ZNF714: variants seen among roughly 807,000 people sequenced by gnomAD.
ZNF714 encodes zinc finger protein 714.
In ZNF714, 32 loss-of-function variants were observed where a neutral mutation model predicts 46.2. The ratio of observed to expected loss-of-function variants is 0.69; its 90% CI spans 0.52 to 0.93. The LOEUF (loss-of-function observed/expected upper bound fraction) is 0.93, where lower values mean the gene tolerates loss of function less well. ZNF714 is among the 40% of genes least tolerant of loss of function. The probability of loss-of-function intolerance (pLI) is 0.00; values close to 1 mark genes in which losing one functional copy is unlikely to be tolerated. For synonymous variants in ZNF714, 199 were observed against 213.1 expected (o/e 0.93, Z 0.58); for missense variants, 635 against 646.3 (o/e 0.98, Z 0.19).
In ZNF714 at chr19:21,084,028, G is replaced by A. The variant is rs1235660822; in HGVS notation, c.-126G>A. ...CTCTCAAGGGAGCAAGTGGATCCCTGGGGCAGAGAGGAAGCTTCTAGTGTA... is the reference window on the plus strand; with the variant it reads ...CTCTCAAGGGAGCAAGTGGATCCCTAGGGCAGAGAGGAAGCTTCTAGTGTA... On this transcript the variant is annotated 5_prime_UTR_variant, in exon 2 of 5. Transcript: ENST00000456283. The A allele has an allele frequency of 1.6e-6, 2 of 1,244,672 alleles. No individual in the cohort carries two copies. The highest frequency in any genetic ancestry group is 2.1e-6 in the Non-Finnish European group (2 of 971,204). 77.1% of individuals were successfully genotyped at this position (1,244,672 alleles called of 1,614,324 possible). A position where few individuals can be genotyped will look rare whatever the true frequency, so the allele number is the denominator to read the frequency against.
At chr19:21,092,690 A>G (rs2144831877) in intron 2 of ZNF714, among the ~76,000 whole-genome samples, 1 of 152,206 alleles carries the variant, frequency 6.6e-6, no homozygotes, top group Non-Finnish European at 1.5e-5. Context: ...TGAGGTACTA[A>G]GCATAACACC....
At chr19:21,115,915 T>C (rs981974373) in intron 4 of ZNF714, among the ~76,000 whole-genome samples, 12 of 151,686 alleles carry the variant, frequency 7.9e-5, no homozygotes, top group African/African-American at 2.9e-4. Context: ...TCTGTATTCC[T>C]ATTTTACTCA....
chr19:21,095,056 T>C (rs1377007039), intron 2 of ZNF714, among the ~76,000 whole-genome samples: 1 of 152,222 alleles, frequency 6.6e-6, no homozygotes. Flanking sequence ...ATTAAACCTT[T>C]GTCAGGAACA....
At chr19:21,100,874 A>AT (rs544728945) in intron 4 of ZNF714, among the ~76,000 whole-genome samples, 2 of 151,382 alleles carry the variant, frequency 1.3e-5, no homozygotes, top group African/African-American at 2.4e-5. Flanking sequence ...CACCTGGCTA[A>AT]TTTTTTTTGT....
At chr19:21,090,179 G>T (rs13346419) in intron 2 of ZNF714, among the ~76,000 whole-genome samples, 8,349 of 152,220 alleles carry the variant, frequency 0.055, 753 homozygotes, top group African/African-American at 0.19. Flanking sequence ...TGGGCAAGAT[G>T]GTTACTCTGG....
intron 4 of ZNF714, among the ~76,000 whole-genome samples, chr19:21,115,015 ACTT>A (rs1438450369): frequency 7.2e-6 from 1 of 139,462 alleles, no homozygotes; most frequent in Non-Finnish European, 1.6e-5. Context: ...ATATGCTTTT[ACTT>A]CTTTCTTATT....
rs757944139 is a variant in ZNF714 at position 21,118,190 on chromosome 19, A to G, written c.1526A>G (p.His509Arg). 8 of 1,608,108 alleles carry G rather than the reference A, an allele frequency of 5.0e-6. No individual in the cohort carries two copies. The highest frequency in any genetic ancestry group is 6.8e-6 in the Non-Finnish European group (8 of 1,176,648). Residue 509 changes from histidine to arginine, a missense_variant, in exon 5 of 5, where the codon CAT (histidine) becomes CGT (arginine). By Grantham distance (29) the His-to-Arg change is conservative. Coordinates refer to ENST00000456283, the MANE Select transcript of ZNF714 (RefSeq NM_182515.4). ...AAAATTCAGCAGGGCATGGTGGCTC[A>G]TGCCTGTAATCCCAACACTTTGAGA... ...HRKIQQGMVA[H>R]ACNPNTLRGL...
At chr19:21,090,747 G>A (rs889271625) in intron 2 of ZNF714, among the ~76,000 whole-genome samples, 16 of 152,026 alleles carry the variant, frequency 1.1e-4, no homozygotes, top group Non-Finnish European at 2.2e-4. Context: ...AGTTAATTAA[G>A]AAAGTAAAGC....
At chr19:21,114,964 TTC>T (rs1241130896) in intron 4 of ZNF714, among the ~76,000 whole-genome samples, 1 of 152,188 alleles carries the variant, frequency 6.6e-6, no homozygotes, top group African/African-American at 2.4e-5. Context: ...GTTCCTCATT[TTC>T]TCTTTTTCTG....
chr19:21,083,988 G>T lies in ZNF714; in HGVS notation c.-166G>T. On this transcript the variant is annotated 5_prime_UTR_variant, in exon 2 of 5. The change creates a new upstream start codon in the 5' untranslated region. Coordinates refer to ENST00000456283, the MANE Select transcript of ZNF714 (RefSeq NM_182515.4). ...TATTTTCTTCCATAGGGCGACCTGA[G>T]GTCTGGAGTGTATCCTCTCAAGGGA... is the stretch of plus-strand genomic sequence containing the variant. 1 of 1,292,844 alleles carries T rather than the reference G, an allele frequency of 7.7e-7. No individual in the cohort carries two copies. Among genetic ancestry groups the T allele is most frequent in the Non-Finnish European group, 1.0e-6 (1 of 991,666 alleles). 80.1% of individuals were successfully genotyped at this position (1,292,844 alleles called of 1,614,324 possible). A position where few individuals can be genotyped will look rare whatever the true frequency, so the allele number is the denominator to read the frequency against.
rs1032315198 is a variant in ZNF714, at chr19:21,114,323, C to T, written c.143-2484C>T. ...TGGTGGCGGGTGCCTGTAGTCCCAG[C>T]TACTTGGGAGGCTGAGGCGGGAGAA... is the stretch of plus-strand genomic sequence containing the variant. On this transcript the variant is annotated intron_variant, in intron 4 of 4. Transcript: ENST00000456283. 3.8e-4 allele frequency among the ~76,000 whole-genome samples: 58 copies of T among 151,000 alleles called. 1 individual carries two copies. Among genetic ancestry groups the T allele is most frequent in the African/African-American group, 1.3e-3 (55 of 41,150 alleles).
Position 21,121,888 on chromosome 19 carries a change from TATTC to T in ZNF714, c.*3560_*3563del, listed in dbSNP as rs1389672617. On this transcript the variant is annotated 3_prime_UTR_variant, in exon 5 of 5. Coordinates refer to ENST00000456283, the MANE Select transcript of ZNF714 (RefSeq NM_182515.4). Reference sequence around the variant, plus strand: ...TTTTTTTGTTTTATGGTTTAGGAAGTATTCATTATATGAGCTGGTCTGTGATTAT... The same window carrying T: ...TTTTTTTGTTTTATGGTTTAGGAAGTATTATATGAGCTGGTCTGTGATTAT... The T allele has an allele frequency of 3.9e-5, 6 of 152,214 alleles. No individual in the cohort carries two copies. Among genetic ancestry groups the T allele is most frequent in the African/African-American group, 1.2e-4 (5 of 41,458 alleles). The allele number at this position is 152,214 out of a possible 1,614,324, so 9.4% of individuals were successfully genotyped here.
intron 2 of ZNF714, among the ~76,000 whole-genome samples, chr19:21,090,093 A>G (rs1968875215): frequency 6.6e-6 from 1 of 152,220 alleles, no homozygotes; most frequent in Non-Finnish European, 1.5e-5. Context: ...ATCAAATGCA[A>G]CTCTTAAACT....
chr19:21,091,354 T>C (rs1297291595), intron 2 of ZNF714: 6 of 152,240 alleles, frequency 3.9e-5, no homozygotes, highest in African/African-American at 1.2e-4. Flanking sequence ...AACTGTGTTA[T>C]CAGCCAGGTC....
chr19:21,100,929 T>C (rs1489001345), intron 4 of ZNF714, among the ~76,000 whole-genome samples: 3 of 152,256 alleles, frequency 2.0e-5, no homozygotes, highest in East Asian at 3.9e-4. Context: ...CAGGCTGTTC[T>C]TGAAGTCCTG....
intron 2 of ZNF714, chr19:21,091,290 C>T (rs945591133): frequency 2.0e-5 from 3 of 152,174 alleles, no homozygotes; most frequent in Non-Finnish European, 4.4e-5. Flanking sequence ...GACCATAGGT[C>T]ACTCTCATCA....
At chr19:21,097,419 A>G (rs1969068520) in intron 2 of ZNF714, among the ~76,000 whole-genome samples, 1 of 152,176 alleles carries the variant, frequency 6.6e-6, no homozygotes, top group Non-Finnish European at 1.5e-5. Flanking sequence ...ATAAAAATTT[A>G]TTCTAGTGTT....
rs142061452 is a variant in ZNF714, at chr19:21,109,871, T to A, written c.143-6936T>A. 6.6e-4 allele frequency among the ~76,000 whole-genome samples: 101 copies of A among 152,334 alleles called. 1 individual carries two copies. The East Asian group carries it at 0.018, about 27-fold the overall frequency. Reference sequence around the variant, plus strand: ...TTGGTTTTCTGTTCCTGTGTTAGTTTGCTGAAAATAATGGCTTCCAGCTCC... The same window carrying A: ...TTGGTTTTCTGTTCCTGTGTTAGTTAGCTGAAAATAATGGCTTCCAGCTCC... On this transcript the variant is annotated intron_variant, in intron 4 of 4. Transcript: ENST00000456283.
intron 2 of ZNF714, among the ~76,000 whole-genome samples, chr19:21,096,044 G>A (rs1330927459): frequency 6.6e-6 from 1 of 152,166 alleles, no homozygotes; most frequent in Non-Finnish European, 1.5e-5. Flanking sequence ...GCACTAAAGG[G>A]TGGCTTCAGG....
Sources: gnomAD v4.1 joint callset for allele counts (sites outside exome capture counted in the v4.1 genomes callset) on GRCh38, gnomAD v4.1.1 for gene constraint, MANE v1.5 for transcripts, NCBI Gene and HGNC (gene_info 2026-07-23, HGNC 2026-07-21) for gene names.